Variants in AGBL4 observed in about 807,000 individuals in gnomAD.
AGBL4 encodes the protein cytosolic carboxypeptidase 6.
In AGBL4, 58 loss-of-function variants were observed where a neutral mutation model predicts 66.4. The observed-to-expected ratio is 0.87, with a 90% confidence interval of 0.71 to 1.09. The LOEUF is 1.09. Among genes scored for constraint, AGBL4 ranks in the 50% least tolerant of loss-of-function variants. The probability of loss-of-function intolerance (pLI) is 0.00; values close to 1 mark genes in which losing one functional copy is unlikely to be tolerated. For synonymous variants in AGBL4, 234 were observed against 222.9 expected (o/e 1.05, Z -0.44); for missense variants, 579 against 631.0 (o/e 0.92, Z 0.88).
In AGBL4 at chr1:48,710,397, G is replaced by T. The variant is rs1421337045; in HGVS notation, c.635-47156C>A. On this transcript the variant is annotated intron_variant, in intron 6 of 13. Transcript: ENST00000371839. The stretch of plus-strand genomic sequence containing the variant: ...AAGCAGAGAGAAAAGCCTAAAGGTG[G>T]GAACTGTCTGGGGCTGCCCAAAGAA... 2.6e-5 allele frequency among the ~76,000 whole-genome samples: 4 copies of T among 152,066 alleles called. No homozygotes were observed. The South Asian group carries it at 8.3e-4, about 32-fold the overall frequency.
At chr1:49,672,984 C>CTAACAAAG (rs1384215179) in intron 3 of AGBL4, among the ~76,000 whole-genome samples, 10 of 141,730 alleles carry the variant, frequency 7.1e-5, no homozygotes, top group Non-Finnish European at 3.1e-5. Flanking sequence ...TAGCCCAAAA[C>CTAACAAAG]TAACAAAGAA....
chr1:48,728,361 C>A (rs1647520779), intron 6 of AGBL4, among the ~76,000 whole-genome samples: 1 of 151,552 alleles, frequency 6.6e-6, no homozygotes, highest in Non-Finnish European at 1.5e-5. Context: ...AACCATTCTC[C>A]TGAACTTTTG....
chr1:49,643,532 A>G (rs76171796), intron 3 of AGBL4, among the ~76,000 whole-genome samples: 12,267 of 151,738 alleles, frequency 0.081, 695 homozygotes, highest in African/African-American at 0.17. Context: ...ACCAAAATAT[A>G]TCATAAATTG....
At chr1:49,571,498 A>G (rs760367003) in intron 3 of AGBL4, among the ~76,000 whole-genome samples, 2 of 152,118 alleles carry the variant, frequency 1.3e-5, no homozygotes, top group Non-Finnish European at 2.9e-5. Context: ...TGTTCTAAAT[A>G]TAAGGTAATA....
chr1:49,720,441 C>G (rs1461902856), intron 2 of AGBL4, among the ~76,000 whole-genome samples: 2 of 152,110 alleles, frequency 1.3e-5, no homozygotes, highest in Non-Finnish European at 2.9e-5. Flanking sequence ...TTAAAAAGTC[C>G]TGTGTCCTTG....
At chr1:49,509,332 G>C (rs1648983961) in intron 3 of AGBL4, among the ~76,000 whole-genome samples, 1 of 151,920 alleles carries the variant, frequency 6.6e-6, no homozygotes, top group African/African-American at 2.4e-5. Flanking sequence ...GTCTCCATAT[G>C]TCAGGGCCTG....
chr1:49,652,789 C>A lies in AGBL4; in HGVS notation c.282+44524G>T, dbSNP rs186100383. Reference sequence around the variant, plus strand: ...ACCCCTCTGTGAGAATTTCAGCATCCCCAACCAGGGGTTTATAAACAGAAC... The same window carrying A: ...ACCCCTCTGTGAGAATTTCAGCATCACCAACCAGGGGTTTATAAACAGAAC... On this transcript the variant is annotated intron_variant, in intron 3 of 13. Coordinates refer to ENST00000371839, the MANE Select transcript of AGBL4 (RefSeq NM_032785.4). Among the ~76,000 whole-genome samples, 138 of 152,266 alleles carry A rather than the reference C, an allele frequency of 9.1e-4. 1 individual carries two copies. Among genetic ancestry groups the A allele is most frequent in the African/African-American group, 3.2e-3 (133 of 41,568 alleles).
intron 3 of AGBL4, among the ~76,000 whole-genome samples, chr1:49,322,475 T>C (rs1306407932): frequency 1.3e-5 from 2 of 152,206 alleles, no homozygotes; most frequent in Non-Finnish European, 2.9e-5. Flanking sequence ...CTGGAACTTG[T>C]GGATATTACC....
At chr1:49,569,622 C>A (rs999443709) in intron 3 of AGBL4, among the ~76,000 whole-genome samples, 1 of 152,078 alleles carries the variant, frequency 6.6e-6, no homozygotes, top group African/African-American at 2.4e-5. Context: ...GGTACAAATG[C>A]AATTCTGCCA....
At chr1:49,658,629 C>A (rs1277939289) in intron 3 of AGBL4, among the ~76,000 whole-genome samples, 4 of 152,264 alleles carry the variant, frequency 2.6e-5, no homozygotes, top group Admixed American at 2.6e-4. Flanking sequence ...CAATGATAGA[C>A]TGGATTAAGA....
intron 5 of AGBL4, among the ~76,000 whole-genome samples, chr1:49,011,051 G>A (rs1157306073): frequency 6.6e-6 from 1 of 151,822 alleles, no homozygotes; most frequent in Non-Finnish European, 1.5e-5. Flanking sequence ...AAACTAAAGA[G>A]CTTCTGTACA....
At chr1:49,851,136 T>C (rs1334868884) in intron 2 of AGBL4, among the ~76,000 whole-genome samples, 1 of 152,154 alleles carries the variant, frequency 6.6e-6, no homozygotes, top group Non-Finnish European at 1.5e-5. Context: ...AATAATATCT[T>C]GGAAAGTAGT....
intron 6 of AGBL4, among the ~76,000 whole-genome samples, chr1:48,810,956 T>G (rs1178742290): frequency 6.6e-6 from 1 of 152,198 alleles, no homozygotes; most frequent in Non-Finnish European, 1.5e-5. Flanking sequence ...TTGTCCAGTG[T>G]CTACATATGG....
intron 11 of AGBL4, among the ~76,000 whole-genome samples, chr1:48,548,453 G>A (rs748328183): frequency 4.6e-5 from 7 of 152,194 alleles, no homozygotes; most frequent in Admixed American, 6.5e-5. Flanking sequence ...CCTCAGGGAC[G>A]AGTCCTCCCT....
intron 2 of AGBL4, among the ~76,000 whole-genome samples, chr1:49,751,432 G>A (rs958400308): frequency 5.3e-5 from 8 of 152,056 alleles, no homozygotes; most frequent in South Asian, 2.1e-4. Context: ...GGATGAAGCC[G>A]ACTTGATCGT....
intron 6 of AGBL4, among the ~76,000 whole-genome samples, chr1:48,819,948 C>T (rs960636454): frequency 6.6e-6 from 1 of 152,178 alleles, no homozygotes; most frequent in Non-Finnish European, 1.5e-5. Context: ...GCTCTGCTCT[C>T]CAATCATAGT....
chr1:48,874,024 G>A (rs1648964598), intron 5 of AGBL4, among the ~76,000 whole-genome samples: 2 of 152,148 alleles, frequency 1.3e-5, no homozygotes, highest in Admixed American at 1.3e-4. Context: ...TGTGTTTCGT[G>A]CAAGATAGCT....
intron 1 of AGBL4, among the ~76,000 whole-genome samples, chr1:49,909,440 T>G (rs1244961660): frequency 6.6e-6 from 1 of 152,120 alleles, no homozygotes; most frequent in Non-Finnish European, 1.5e-5. Flanking sequence ...ACGTAAGCCA[T>G]GTGGATAACT....
At chr1:49,894,056 A>C (rs930239612) in intron 1 of AGBL4, among the ~76,000 whole-genome samples, 2 of 152,174 alleles carry the variant, frequency 1.3e-5, no homozygotes, top group African/African-American at 4.8e-5. Flanking sequence ...GGAGAAAGTA[A>C]GGGAAAACAA....
Sources: gnomAD v4.1 joint callset for allele counts (sites outside exome capture counted in the v4.1 genomes callset) on GRCh38, gnomAD v4.1.1 for gene constraint, MANE v1.5 for transcripts, NCBI Gene and HGNC (gene_info 2026-07-23, HGNC 2026-07-21) for gene names.